The following RPH3AL variants were observed in gnomAD, a reference collection of about 807,000 sequenced individuals.
The protein encoded by RPH3AL is rab effector Noc2.
A neutral mutation model predicts 43.1 loss-of-function variants in RPH3AL; 38 were observed. The observed-to-expected ratio is 0.88, with a 90% CI of 0.68 to 1.15. The LOEUF is 1.15. RPH3AL is among the 50% of genes most tolerant of loss of function. The pLI, the probability that RPH3AL is intolerant of heterozygous loss-of-function variation, is 0.00. For synonymous variants in RPH3AL, 189 were observed against 176.3 expected (o/e 1.07, Z -0.57); for missense variants, 462 against 423.2 (o/e 1.09, Z -0.81).
At chr17:241,720 T>TC (rs1491370125) in intron 7 of RPH3AL, among the ~76,000 whole-genome samples, 1,257 of 100,868 alleles carry the variant, frequency 0.012, 13 homozygotes, top group African/African-American at 0.041. Flanking sequence ...TCTTTTTTTT[T>TC]CTTTTTTTTT....
chr17:228,297 T>C (rs767051153), intron 7 of RPH3AL, among the ~76,000 whole-genome samples: 1 of 152,116 alleles, frequency 6.6e-6, no homozygotes, highest in Non-Finnish European at 1.5e-5. Context: ...CCCGCCTCGG[T>C]CTCCCAAAGT....
rs376499479 is a variant in RPH3AL, at chr17:247,230, G to A, written c.494C>T (p.Pro165Leu). The A allele has an allele frequency of 3.7e-5, 59 of 1,612,290 alleles. No homozygotes were observed. Among genetic ancestry groups the A allele is most frequent in the Non-Finnish European group, 4.7e-5 (56 of 1,179,168 alleles). Residue 165 changes from proline to leucine, a missense_variant, in exon 7 of 10, where the codon CCC becomes CTC. Pro to Leu is a moderately conservative substitution (Grantham distance 98). Coordinates refer to ENST00000331302, the MANE Select transcript of RPH3AL (RefSeq NM_006987.4). Reference sequence around the variant, plus strand: ...ATCAGCTCGGCCAGGGGTCTTCAGGGGCAAGATATACTTGGGGAGCCCTTT... The same window carrying A: ...ATCAGCTCGGCCAGGGGTCTTCAGGAGCAAGATATACTTGGGGAGCCCTTT... ...FYKGLPKYILPLKTPGRADDP... is the reference protein window; with the variant it reads ...FYKGLPKYILLLKTPGRADDP...
At chr17:337,866 T>C (rs954022829) in intron 1 of RPH3AL, among the ~76,000 whole-genome samples, 1 of 152,082 alleles carries the variant, frequency 6.6e-6, no homozygotes, top group South Asian at 2.1e-4. Context: ...GGAAAGTAAA[T>C]CCTTGGGCAT....
intron 2 of RPH3AL, chr17:331,833 G>A (rs1364777571): frequency 7.8e-7 from 1 of 1,289,166 alleles, no homozygotes; most frequent in South Asian, 1.2e-5. Flanking sequence ...GCAGTGCCCT[G>A]TGCATTAAAC....
chr17:302,032 C>T (rs939786916), intron 5 of RPH3AL, among the ~76,000 whole-genome samples: 1 of 152,252 alleles, frequency 6.6e-6, no homozygotes, highest in East Asian at 1.9e-4. Context: ...CTCACTACGG[C>T]CTGAGCCAAA....
intron 1 of RPH3AL, among the ~76,000 whole-genome samples, chr17:348,537 A>C (rs2045289635): frequency 6.8e-6 from 1 of 147,094 alleles, no homozygotes; most frequent in Non-Finnish European, 1.5e-5. Flanking sequence ...CTGTTCAAGA[A>C]AAAAAAAAAA....
Position 333,448 on chromosome 17 carries a change from G to A in RPH3AL, c.-37+311C>T, listed in dbSNP as rs145944920. On this transcript the variant is annotated intron_variant, in intron 2 of 9. Transcript: ENST00000331302. This position sits in a 1 kb window ranked among gnomAD's most constrained non-coding sequence, Gnocchi z 4.5. ...ATAAAATTGGGTTCTTACTGCATAC[G>A]CTGCTTGCTGGTTTCTAAATAAAAT... 7.0e-4 allele frequency: 328 copies of A among 471,562 alleles called. 7 individuals carry two copies. In the East Asian group the frequency reaches 0.017, roughly 25 times the overall value. 29.2% of individuals were successfully genotyped at this position (471,562 alleles called of 1,614,324 possible).
chr17:255,656 C>T (rs1351135709), intron 6 of RPH3AL, among the ~76,000 whole-genome samples: 1 of 3,892 alleles, frequency 2.6e-4, no homozygotes, highest in Non-Finnish European at 4.7e-4. Flanking sequence ...GGGAGCTGCA[C>T]GGCGTCTGTC....
At chr17:258,092 T>C (rs974816730) in intron 6 of RPH3AL, among the ~76,000 whole-genome samples, 3 of 152,146 alleles carry the variant, frequency 2.0e-5, no homozygotes, top group Non-Finnish European at 4.4e-5. Flanking sequence ...CGTCCTTCCT[T>C]TCTGAGGCTG....
At chr17:267,637 G>C (rs1439776518) in intron 6 of RPH3AL, among the ~76,000 whole-genome samples, 1 of 152,158 alleles carries the variant, frequency 6.6e-6, no homozygotes, top group Non-Finnish European at 1.5e-5. Flanking sequence ...TTTTGATTAC[G>C]TATTTGATTA....
At chr17:321,876 C>G (rs541530267) in intron 3 of RPH3AL, among the ~76,000 whole-genome samples, 1 of 152,182 alleles carries the variant, frequency 6.6e-6, no homozygotes, top group Non-Finnish European at 1.5e-5. Flanking sequence ...ATGTGACGCT[C>G]ACGTACACAG....
chr17:320,140 T>G (rs1354777400), intron 4 of RPH3AL, among the ~76,000 whole-genome samples: 1 of 7,202 alleles, frequency 1.4e-4, no homozygotes, highest in Non-Finnish European at 2.2e-4. Flanking sequence ...GGGAGGGACA[T>G]TGAGGGGAGG....
chr17:232,103 C>T (rs1055528529), intron 7 of RPH3AL, among the ~76,000 whole-genome samples: 8 of 152,160 alleles, frequency 5.3e-5, no homozygotes, highest in Non-Finnish European at 1.2e-4. Context: ...TGTGAGCTTC[C>T]GTTTCAAAAC....
intron 6 of RPH3AL, among the ~76,000 whole-genome samples, chr17:253,245 C>G (rs782250442): frequency 2.6e-5 from 4 of 152,196 alleles, no homozygotes; most frequent in Non-Finnish European, 4.4e-5. Context: ...TCCCCCACCT[C>G]ACGCCCAGCC....
chr17:260,876 T>G (rs981755407), intron 6 of RPH3AL, among the ~76,000 whole-genome samples: 11 of 152,082 alleles, frequency 7.2e-5, no homozygotes, highest in Admixed American at 2.6e-4. Context: ...TAAGCTCTCC[T>G]TTTGGACACG....
intron 7 of RPH3AL, among the ~76,000 whole-genome samples, chr17:223,469 T>G (rs1259190138): frequency 6.6e-6 from 1 of 152,132 alleles, no homozygotes; most frequent in Non-Finnish European, 1.5e-5. Flanking sequence ...TGAGCTCTTA[T>G]GCCAGGCACT....
intron 3 of RPH3AL, among the ~76,000 whole-genome samples, chr17:325,182 T>A (rs1160299477): frequency 6.6e-6 from 1 of 152,138 alleles, no homozygotes; most frequent in Non-Finnish European, 1.5e-5. Context: ...AAGACTTCTT[T>A]ACACATGACC....
rs188936535 is a variant in RPH3AL, at chr17:241,230, A to G, written c.613+5881T>C. 1.8e-4 allele frequency among the ~76,000 whole-genome samples: 27 copies of G among 151,788 alleles called. No individual in the cohort carries two copies. In the East Asian group the frequency reaches 4.9e-3, roughly 27 times the overall value. Reference sequence around the variant, plus strand: ...ACAGTGAGGCTCCCATCTCTACAAAATATACGAATTTAAAAGTTTGGTAGG... The same window carrying G: ...ACAGTGAGGCTCCCATCTCTACAAAGTATACGAATTTAAAAGTTTGGTAGG... On this transcript the variant is annotated intron_variant, in intron 7 of 9. Transcript: ENST00000331302.
In RPH3AL at chr17:213,267, T is replaced by C; in HGVS notation, c.*585A>G. ...AGACTGTGTCAAAAACAAACAAACATACAAAAACCAAAGAAACTAAACAGA... is the reference window on the plus strand; with the variant it reads ...AGACTGTGTCAAAAACAAACAAACACACAAAAACCAAAGAAACTAAACAGA... On this transcript the variant is annotated 3_prime_UTR_variant, in exon 10 of 10. Transcript: ENST00000331302. 6.4e-6 allele frequency: 1 copy of C among 156,750 alleles called. No individual in the cohort carries two copies. The highest frequency in any genetic ancestry group is 6.1e-5 in the Admixed American group (1 of 16,474). The allele number at this position is 156,750 out of a possible 1,614,324, so 9.7% of individuals were successfully genotyped here.
Sources: allele counts gnomAD v4.1 joint callset (sites outside exome capture counted in the v4.1 genomes callset), GRCh38; gene constraint gnomAD v4.1.1; non-coding constraint Gnocchi (gnomAD v3.1); transcripts MANE v1.5; gene names NCBI Gene and HGNC (gene_info 2026-07-23, HGNC 2026-07-21).